The following NT5C2 variants were observed in gnomAD, a reference collection of about 807,000 sequenced individuals.
The protein encoded by NT5C2 is 5'-nucleotidase, cytosolic II.
Under a neutral mutation model 76.1 loss-of-function variants are expected in NT5C2, and 58 were observed. The observed-to-expected ratio is 0.76, with a 90% CI of 0.62 to 0.95. NT5C2 has a LOEUF of 0.95. Ranked by LOEUF, NT5C2 falls within the 40% of genes least tolerant of loss-of-function variation. The pLI, the probability that NT5C2 is intolerant of heterozygous loss-of-function variation, is 0.00. For synonymous variants in NT5C2, 229 were observed against 237.4 expected, an observed-to-expected ratio of 0.96 and a Z score of 0.32; for missense variants, 478 against 690.3, an observed-to-expected ratio of 0.69 and a Z score of 3.45.
At chr10:103,173,090 C>A (rs2088673638) in intron 3 of NT5C2, among the ~76,000 whole-genome samples, 1 of 152,090 alleles carries the variant, frequency 6.6e-6, no homozygotes, top group Non-Finnish European at 1.5e-5. Context: ...TTCAAGCAAT[C>A]CTCCTGCTTT....
chr10:103,144,261 A>G (rs1426032562), intron 3 of NT5C2, among the ~76,000 whole-genome samples: 1 of 152,198 alleles, frequency 6.6e-6, no homozygotes. Context: ...ATGGGAATAC[A>G]AGCAGGAATG....
chr10:103,152,875 T>C (rs189488140), intron 3 of NT5C2, among the ~76,000 whole-genome samples: 4 of 152,342 alleles, frequency 2.6e-5, no homozygotes, highest in Admixed American at 6.5e-5. Flanking sequence ...AACAAAATCA[T>C]AGGCTGTTTT....
chr10:103,165,149 T>C (rs1416039419), intron 3 of NT5C2, among the ~76,000 whole-genome samples: 3 of 152,152 alleles, frequency 2.0e-5, no homozygotes, highest in Admixed American at 6.5e-5. Flanking sequence ...AGCTAGAGTA[T>C]GATAGCATGA....
At chr10:103,111,883 G>C (rs1223250224) in intron 4 of NT5C2, 10 of 897,420 alleles carry the variant, frequency 1.1e-5, no homozygotes, top group Non-Finnish European at 1.5e-5. Flanking sequence ...TGATGGGCTG[G>C]AACAGAGAGA....
rs1409201026 is a variant in NT5C2 at position 103,089,141 on chromosome 10, T to G, written c.*531A>C. On this transcript the variant is annotated 3_prime_UTR_variant, in exon 19 of 19. Coordinates refer to ENST00000404739, the MANE Select transcript of NT5C2 (RefSeq NM_001351169.2). ...TGATAGAGAAGCAGCCTTGCCAGAG[T>G]CACTGAGGATGAATTAAAGGCTTAT... The G allele has an allele frequency of 4.4e-6, 1 of 227,138 alleles. No individual in the cohort carries two copies. The allele number at this position is 227,138 out of a possible 1,614,324, so 14.1% of individuals were successfully genotyped here.
At chr10:103,147,803 G>A (rs980327167) in intron 3 of NT5C2, among the ~76,000 whole-genome samples, 4 of 152,196 alleles carry the variant, frequency 2.6e-5, no homozygotes, top group Non-Finnish European at 4.4e-5. Context: ...GTTTGTCATT[G>A]CCAGAGGCTG....
Position 103,105,726 on chromosome 10 carries a change from A to G in NT5C2, c.369T>C (p.His123=), listed in dbSNP as rs769638380. ...CTCACCCCCTTATAAAGTTAAATCC[A>G]TGTGCACAGACCAAGAGGTTTCCAT... ...DAYGNLLVCA[H]GFNFIRGPET... is the part of the protein sequence containing the mutation. The change falls in exon 6 of 19, where the codon CAT becomes CAC. Residue 123 remains histidine, a synonymous_variant. Transcript: ENST00000404739. 3.7e-6 allele frequency: 6 copies of G among 1,612,300 alleles called. No homozygotes were observed. The highest frequency in any genetic ancestry group is 3.3e-5 in the South Asian group (3 of 91,032).
At position 103,090,625 on chromosome 10, in the gene NT5C2, C is replaced by A; in HGVS notation, c.1435G>T (p.Ala479Ser). 6.2e-7 allele frequency: 1 copy of A among 1,613,650 alleles called. No homozygotes were observed. Among genetic ancestry groups the A allele is most frequent in the East Asian group, 2.2e-5 (1 of 44,874 alleles). ...CTTTAACTCACCAAGACATGGGCAG[C>A]CCTGAAGAGGTAGCTGAAAGGGTAA... ...LYYPFSYLFR[A>S]AHVLMPHEST... The change falls in exon 18 of 19, where the codon GCT becomes TCT. Residue 479 changes from alanine to serine, a missense_variant. Ala to Ser is a moderately conservative substitution (Grantham distance 99). Coordinates refer to ENST00000404739, the MANE Select transcript of NT5C2 (RefSeq NM_001351169.2).
At chr10:103,111,524 T>G (rs1281574035) in intron 4 of NT5C2, among the ~76,000 whole-genome samples, 2 of 152,246 alleles carry the variant, frequency 1.3e-5, no homozygotes, top group African/African-American at 2.4e-5. Context: ...GGCTCTGTTT[T>G]GAGTAGATGC....
In NT5C2 at chr10:103,139,400, A is replaced by G. The variant is rs552042011; in HGVS notation, c.175+6T>C. On this transcript the variant is annotated splice_donor_region_variant and intron_variant, in intron 4 of 18. Transcript: ENST00000404739. ...AGTTCTTAAGCAATCAGAAATTGCTACTCACCAGCAAGGGTATAATCCATA... is the reference window on the plus strand; with the variant it reads ...AGTTCTTAAGCAATCAGAAATTGCTGCTCACCAGCAAGGGTATAATCCATA... 1.3e-6 allele frequency: 2 copies of G among 1,562,944 alleles called. No individual in the cohort carries two copies. Among genetic ancestry groups the G allele is most frequent in the Admixed American group, 3.6e-5 (2 of 55,310 alleles).
At chr10:103,184,715 T>A (rs1178872473) in intron 1 of NT5C2, among the ~76,000 whole-genome samples, 1 of 152,240 alleles carries the variant, frequency 6.6e-6, no homozygotes, top group African/African-American at 2.4e-5. Context: ...AATGAATCTT[T>A]GTGAAATCTT....
chr10:103,111,682 A>G (rs2073073394), intron 4 of NT5C2: 1 of 1,099,584 alleles, frequency 9.1e-7, no homozygotes, highest in South Asian at 4.6e-5. Context: ...TTAGAAAAAT[A>G]AAGGGCAAAC....
intron 4 of NT5C2, among the ~76,000 whole-genome samples, chr10:103,118,492 G>T (rs529735562): frequency 6.6e-6 from 1 of 151,932 alleles, no homozygotes; most frequent in African/African-American, 2.4e-5. Flanking sequence ...GAGTAGCTGG[G>T]ATTACAGACG....
At chr10:103,100,303 C>T (rs1171682015) in intron 8 of NT5C2, among the ~76,000 whole-genome samples, 3 of 152,158 alleles carry the variant, frequency 2.0e-5, no homozygotes, top group Non-Finnish European at 4.4e-5. Flanking sequence ...TTTTATTTAT[C>T]ACTTTTTAGA....
At chr10:103,151,347 C>T (rs1383714835) in intron 3 of NT5C2, among the ~76,000 whole-genome samples, 2 of 151,852 alleles carry the variant, frequency 1.3e-5, no homozygotes, top group African/African-American at 4.8e-5. Context: ...GCCTGTAATC[C>T]CAGCTACTAA....
intron 3 of NT5C2, among the ~76,000 whole-genome samples, chr10:103,148,202 T>TAA (rs1480801567): frequency 6.6e-6 from 1 of 152,222 alleles, no homozygotes; most frequent in African/African-American, 2.4e-5. Flanking sequence ...CTAGTAGCAT[T>TAA]AGTTTTGCTT....
chr10:103,158,261 A>G (rs1251894290), intron 3 of NT5C2, among the ~76,000 whole-genome samples: 2 of 152,122 alleles, frequency 1.3e-5, no homozygotes, highest in African/African-American at 4.8e-5. Context: ...CTGTAAATGC[A>G]CATATTTAAA....
At chr10:103,139,383 A>G (rs761505998) in intron 4 of NT5C2, 23 bp downstream of exon 4, 1 of 1,522,954 alleles carries the variant, frequency 6.6e-7, no homozygotes, top group South Asian at 1.2e-5. Context: ...GCAGTTCTTA[A>G]GCAATCAGAA....
intron 3 of NT5C2, among the ~76,000 whole-genome samples, chr10:103,142,104 T>C (rs1242367595): frequency 2.0e-5 from 3 of 151,860 alleles, no homozygotes; most frequent in African/African-American, 7.3e-5. Context: ...TTTCTTTGGT[T>C]TTGCTTCTGT....
Sources: gnomAD v4.1 joint callset for allele counts (sites outside exome capture counted in the v4.1 genomes callset) on GRCh38, gnomAD v4.1.1 for gene constraint, MANE v1.5 for transcripts, NCBI Gene and HGNC (gene_info 2026-07-23, HGNC 2026-07-21) for gene names.